Variants in CORIN observed in about 807,000 individuals in gnomAD.
The protein encoded by CORIN is corin, serine peptidase.
Under a neutral mutation model 125.3 loss-of-function variants are expected in CORIN, and 117 were observed. The observed-to-expected ratio is 0.93, with a 90% CI of 0.80 to 1.09. The LOEUF is 1.09. Among genes scored for constraint, CORIN ranks in the 50% least tolerant of loss-of-function variants. The probability of loss-of-function intolerance (pLI) is 0.00; values close to 1 mark genes in which losing one functional copy is unlikely to be tolerated. For synonymous variants in CORIN, 450 were observed against 466.4 expected (o/e 0.96, Z 0.45); for missense variants, 1,253 against 1,306.7 (o/e 0.96, Z 0.63).
intron 19 of CORIN, among the ~76,000 whole-genome samples, chr4:47,609,300 C>T (rs931387677): frequency 5.3e-5 from 8 of 152,080 alleles, no homozygotes; most frequent in Non-Finnish European, 7.4e-5. Flanking sequence ...AGTGCAATGG[C>T]GCAATCTCAG....
intron 10 of CORIN, among the ~76,000 whole-genome samples, chr4:47,668,909 A>G (rs1724602351): frequency 6.6e-6 from 1 of 152,250 alleles, no homozygotes; most frequent in African/African-American, 2.4e-5. Flanking sequence ...ACAGAATGCT[A>G]AGCAAGATAA....
At chr4:47,655,794 G>T (rs562199110) in intron 12 of CORIN, among the ~76,000 whole-genome samples, 2 of 140,442 alleles carry the variant, frequency 1.4e-5, no homozygotes, top group South Asian at 4.6e-4. Flanking sequence ...TCCAAAATCT[G>T]AACAGAACAA....
rs533339514 is a variant in CORIN at position 47,772,698 on chromosome 4, C to A, written c.410-9112G>T. On this transcript the variant is annotated intron_variant, in intron 3 of 21. Transcript: ENST00000273857. ...ATCTGTAAAATGGAAATAATAATAA[C>A]TGTGTAATAGGTTTATTATAAGGAT... is the stretch of plus-strand genomic sequence containing the variant. Among the ~76,000 whole-genome samples the A allele has an allele frequency of 2.0e-5, 3 of 152,304 alleles. No individual in the cohort carries two copies. In the East Asian group the frequency reaches 5.8e-4, roughly 29 times the overall value.
At chr4:47,744,943 G>A (rs1216854061) in intron 4 of CORIN, among the ~76,000 whole-genome samples, 1 of 152,182 alleles carries the variant, frequency 6.6e-6, no homozygotes, top group Admixed American at 6.5e-5. Context: ...TGCAAAGGAA[G>A]AAGTAGGTCA....
intron 13 of CORIN, 143 bp from the exon 14 acceptor site, chr4:47,645,337 A>T: frequency 1.9e-6 from 1 of 521,658 alleles, no homozygotes; most frequent in East Asian, 3.5e-5. Context: ...GCACTTTGGG[A>T]GGCTGAGGTG....
chr4:47,740,458 ACCCTTT>A (rs1422685588), intron 5 of CORIN, among the ~76,000 whole-genome samples: 3 of 151,722 alleles, frequency 2.0e-5, no homozygotes, highest in Non-Finnish European at 4.4e-5. Flanking sequence ...TGACGAATTG[ACCCTTT>A]ATCATTAAAA....
At position 47,675,838 on chromosome 4, in the gene CORIN, G is replaced by A. The variant is rs536411488; in HGVS notation, c.1250-1338C>T. Among the ~76,000 whole-genome samples the A allele has an allele frequency of 8.5e-5, 13 of 152,294 alleles. 1 individual carries two copies. Among genetic ancestry groups the A allele is most frequent in the Middle Eastern group, 3.4e-3 (1 of 294 alleles). On this transcript the variant is annotated intron_variant, in intron 9 of 21. Coordinates refer to ENST00000273857, the MANE Select transcript of CORIN (RefSeq NM_006587.4). ...TTCTCCTGCCTCGGCCACCCAAAGT[G>A]CTGGGATTACAGGCATGTGCTACCA...
At chr4:47,814,524 C>T (rs146883433) in intron 1 of CORIN, among the ~76,000 whole-genome samples, 2 of 152,168 alleles carry the variant, frequency 1.3e-5, no homozygotes, top group East Asian at 3.9e-4. Flanking sequence ...TGAAAGTGAC[C>T]TTCACATGAA....
At chr4:47,653,108 A>G (rs1577786073) in intron 13 of CORIN, among the ~76,000 whole-genome samples, 1 of 152,280 alleles carries the variant, frequency 6.6e-6, no homozygotes, top group Middle Eastern at 3.4e-3. Context: ...AGAGAGAGAA[A>G]CCGCATTCTC....
chr4:47,732,959 T>G (rs980337172), intron 5 of CORIN, among the ~76,000 whole-genome samples: 4 of 152,068 alleles, frequency 2.6e-5, no homozygotes, highest in African/African-American at 9.7e-5. Flanking sequence ...ATGGCTCAAC[T>G]CCTTGTCTCA....
intron 14 of CORIN, among the ~76,000 whole-genome samples, chr4:47,644,142 C>A (rs1425637487): frequency 1.3e-5 from 2 of 152,182 alleles, no homozygotes; most frequent in Non-Finnish European, 2.9e-5. Context: ...TCTAACTACA[C>A]AAAGACTCCT....
At chr4:47,809,396 CTTTT>C (rs374248975) in intron 1 of CORIN, among the ~76,000 whole-genome samples, 1 of 107,362 alleles carries the variant, frequency 9.3e-6, no homozygotes, top group African/African-American at 4.4e-5. Context: ...GAATTGATTG[CTTTT>C]TTTTTTTTTT....
intron 12 of CORIN, among the ~76,000 whole-genome samples, chr4:47,656,014 G>A (rs547750444): frequency 1.9e-4 from 29 of 152,096 alleles, no homozygotes; most frequent in Admixed American, 1.6e-3. Flanking sequence ...TGAAACCAAA[G>A]CTAGACAAAG....
At chr4:47,713,840 C>A (rs1023417500) in intron 5 of CORIN, among the ~76,000 whole-genome samples, 5 of 150,506 alleles carry the variant, frequency 3.3e-5, no homozygotes, top group Admixed American at 2.0e-4. Context: ...CTCAGGGAAT[C>A]TTTTTTTTTA....
chr4:47,832,110 G>A (rs1733047010), intron 1 of CORIN, among the ~76,000 whole-genome samples: 2 of 152,182 alleles, frequency 1.3e-5, no homozygotes, highest in African/African-American at 4.8e-5. Context: ...TATGGAGGGA[G>A]AAGAGCCTCC....
chr4:47,752,181 C>G (rs150040861), intron 4 of CORIN, among the ~76,000 whole-genome samples: 1 of 152,250 alleles, frequency 6.6e-6, no homozygotes, highest in Middle Eastern at 3.4e-3. Context: ...ATACTCCCAC[C>G]CTCCCAAAGC....
chr4:47,624,707 G>A (rs990727684), intron 17 of CORIN, among the ~76,000 whole-genome samples: 2 of 152,084 alleles, frequency 1.3e-5, no homozygotes, highest in Non-Finnish European at 2.9e-5. Flanking sequence ...ATCTTTCAAT[G>A]TGATGGCACA....
Position 47,642,919 on chromosome 4 carries a change from C to A in CORIN, c.2068+227G>T. ...ATGATTACAACATTTTGAACCCAAA[C>A]GTTTTTCCATACAATATAGATATTT... On this transcript the variant is annotated intron_variant, in intron 15 of 21. Transcript: ENST00000273857. 4 of 1,512,108 alleles carry A rather than the reference C, an allele frequency of 2.6e-6. No individual in the cohort carries two copies. The South Asian group carries it at 5.0e-5, about 19-fold the overall frequency. 93.7% of individuals were successfully genotyped at this position (1,512,108 alleles called of 1,614,324 possible).
intron 1 of CORIN, among the ~76,000 whole-genome samples, chr4:47,827,118 A>C (rs1732771465): frequency 6.6e-6 from 1 of 152,198 alleles, no homozygotes; most frequent in South Asian, 2.1e-4. Flanking sequence ...CTATTGGAGC[A>C]GTCCTACTAC....
Sources: gnomAD v4.1 joint callset for allele counts (sites outside exome capture counted in the v4.1 genomes callset) on GRCh38, gnomAD v4.1.1 for gene constraint, MANE v1.5 for transcripts, NCBI Gene and HGNC (gene_info 2026-07-23, HGNC 2026-07-21) for gene names.